The following ACSS2 variants were observed in gnomAD, a reference collection of about 807,000 sequenced individuals.
The protein encoded by ACSS2 is acetyl-coenzyme A synthetase, cytoplasmic.
ACSS2 carries 58 observed loss-of-function variants against 90.6 expected under a neutral mutation model. The observed-to-expected ratio is 0.64, with a 90% CI of 0.52 to 0.80. The LOEUF (loss-of-function observed/expected upper bound fraction) is 0.80. Among genes scored for constraint, ACSS2 ranks in the 30% least tolerant of loss-of-function variants. The probability of loss-of-function intolerance (pLI) is 0.00; values close to 1 mark genes in which losing one functional copy is unlikely to be tolerated. For missense variants in ACSS2, 759 were observed against 912.0 expected (o/e 0.83, Z 2.16); for synonymous variants, 300 against 330.9 (o/e 0.91, Z 1.01).
chr20:34,908,744 C>T (rs973102473), intron 2 of ACSS2: 1 of 320,162 alleles, frequency 3.1e-6, no homozygotes, highest in Admixed American at 4.6e-5. Flanking sequence ...GCCTGTAATC[C>T]CAGCTACTCA....
At chr20:34,925,338 A>G (rs149585338) in intron 14 of ACSS2, among the ~76,000 whole-genome samples, 34 of 152,308 alleles carry the variant, frequency 2.2e-4, no homozygotes, top group African/African-American at 7.5e-4. Context: ...TCACCTCACC[A>G]TAGGACTACT....
chr20:34,902,301 A>G (rs910035782), intron 2 of ACSS2, among the ~76,000 whole-genome samples: 12 of 152,188 alleles, frequency 7.9e-5, no homozygotes, highest in African/African-American at 2.9e-4. Flanking sequence ...AACAAGTAAT[A>G]TTAATTCTAT....
chr20:34,879,962 A>G (rs904624533), intron 1 of ACSS2, among the ~76,000 whole-genome samples: 1 of 152,236 alleles, frequency 6.6e-6, no homozygotes, highest in Non-Finnish European at 1.5e-5. Context: ...TTGTAAGACC[A>G]TAATGTCATA....
Position 34,921,383 on chromosome 20 carries a change from C to G in ACSS2, c.1331C>G (p.Pro444Arg). Residue 444 changes from proline to arginine, a missense_variant, in exon 11 of 18, where the codon CCT becomes CGT. Coordinates refer to ENST00000360596, the MANE Select transcript of ACSS2 (RefSeq NM_018677.4). ...GGCACAGTGGGTGAACCCATCAACC[C>G]TGAGGCCTGGCTATGGTACCACCGG... is the stretch of plus-strand genomic sequence containing the variant. ...VLGTVGEPIN[P>R]EAWLWYHRVV... 6.2e-7 allele frequency: 1 copy of G among 1,614,216 alleles called. No individual in the cohort carries two copies. The highest frequency in any genetic ancestry group is 8.5e-7 in the Non-Finnish European group (1 of 1,180,030).
At chr20:34,900,330 C>T (rs1013035640) in intron 2 of ACSS2, among the ~76,000 whole-genome samples, 14 of 121,144 alleles carry the variant, frequency 1.2e-4, no homozygotes, top group African/African-American at 3.4e-4. Flanking sequence ...CCACCATGCC[C>T]GGCTAAATTT....
At chr20:34,913,263 G>C in intron 3 of ACSS2, 76 bp downstream of exon 3, 1 of 1,565,118 alleles carries the variant, frequency 6.4e-7, no homozygotes, top group Non-Finnish European at 8.8e-7. Context: ...ATGGGGAGAG[G>C]GCAAGGGATG....
chr20:34,888,132 A>G (rs1328253253), intron 2 of ACSS2, among the ~76,000 whole-genome samples: 1 of 151,754 alleles, frequency 6.6e-6, no homozygotes. Context: ...AGCTACTTAC[A>G]CAAATAGTTC....
Position 34,926,951 on chromosome 20 carries a change from G to A in ACSS2, c.1978G>A (p.Gly660Arg). 6.2e-7 allele frequency: 1 copy of A among 1,614,158 alleles called. No homozygotes were observed. The highest frequency in any genetic ancestry group is 2.2e-5 in the East Asian group (1 of 44,886). The change falls in exon 17 of 18, where the codon GGG becomes AGG. Residue 660 changes from glycine to arginine, a missense_variant and splice_region_variant. Transcript: ENST00000360596. ...ACCTGGCTTGCCTAAAACCCGCTCA[G>A]GTATGTTCAGAGGCCTCCATGGATT... is the stretch of plus-strand genomic sequence containing the variant. The part of the protein sequence containing the change: ...NAPGLPKTRS[G>R]KIMRRVLRKI...
chr20:34,883,712 T>C (rs1296805117), intron 2 of ACSS2, among the ~76,000 whole-genome samples: 1 of 152,202 alleles, frequency 6.6e-6, no homozygotes, highest in African/African-American at 2.4e-5. Context: ...GAATAAGTGG[T>C]AGAGCCAGGA....
At chr20:34,881,017 ATTTTTTTTTTTT>A (rs71761863) in intron 1 of ACSS2, among the ~76,000 whole-genome samples, 2 of 75,568 alleles carry the variant, frequency 2.6e-5, no homozygotes, top group Admixed American at 1.4e-4. Flanking sequence ...TTTCCTCCAA[ATTTTTTTTTTTT>A]TTTTTTTTTT....
intron 8 of ACSS2, among the ~76,000 whole-genome samples, chr20:34,919,821 C>G (rs987885768): frequency 1.3e-5 from 2 of 152,036 alleles, no homozygotes; most frequent in African/African-American, 2.4e-5. Flanking sequence ...TGTTCTTTCC[C>G]TATGCACCCA....
At chr20:34,919,642 A>C in intron 8 of ACSS2, 70 bp downstream of exon 8, 1 of 1,507,668 alleles carries the variant, frequency 6.6e-7, no homozygotes, top group Non-Finnish European at 8.9e-7. Context: ...GTAAGAAGTA[A>C]GTTTCTGAGG....
At chr20:34,916,426 A>G (rs1032518870) in intron 7 of ACSS2, among the ~76,000 whole-genome samples, 31 of 152,228 alleles carry the variant, frequency 2.0e-4, no homozygotes, top group African/African-American at 7.2e-4. Context: ...TAACTACTCA[A>G]TAAATGTTAG....
chr20:34,878,862 T>C (rs1408986335), intron 1 of ACSS2, among the ~76,000 whole-genome samples: 1 of 152,124 alleles, frequency 6.6e-6, no homozygotes, highest in African/African-American at 2.4e-5. Flanking sequence ...TGGTTCCCTG[T>C]TTCTGGCAGT....
At chr20:34,918,919 G>T (rs2081132648) in intron 7 of ACSS2, among the ~76,000 whole-genome samples, 1 of 152,168 alleles carries the variant, frequency 6.6e-6, no homozygotes, top group South Asian at 2.1e-4. Context: ...GCTAGGTGTT[G>T]GGAGATATGG....
intron 13 of ACSS2, 95 bp downstream of exon 13, chr20:34,921,961 A>G (rs2081213283): frequency 6.6e-7 from 1 of 1,525,666 alleles, no homozygotes; most frequent in Admixed American, 2.2e-5. Flanking sequence ...CTCTCCTGGT[A>G]GCTGCTTAGG....
At chr20:34,897,837 A>G (rs2080503312) in intron 2 of ACSS2, among the ~76,000 whole-genome samples, 1 of 151,674 alleles carries the variant, frequency 6.6e-6, no homozygotes, top group Non-Finnish European at 1.5e-5. Context: ...AAAAAAAAAA[A>G]AGTTCATCCA....
chr20:34,903,839 C>G (rs963937620), intron 2 of ACSS2, among the ~76,000 whole-genome samples: 6 of 146,446 alleles, frequency 4.1e-5, no homozygotes, highest in African/African-American at 1.0e-4. Context: ...GAGTTTAAGA[C>G]CAGCCTGGGC....
intron 16 of ACSS2, among the ~76,000 whole-genome samples, 179 bp downstream of exon 16, chr20:34,926,460 T>C (rs1328159019): frequency 6.6e-6 from 1 of 152,138 alleles, no homozygotes; most frequent in Admixed American, 6.5e-5. Flanking sequence ...ACTAGGATAA[T>C]AATAATAGCC....
Sources: gnomAD v4.1 joint callset for allele counts (sites outside exome capture counted in the v4.1 genomes callset) on GRCh38, gnomAD v4.1.1 for gene constraint, MANE v1.5 for transcripts, NCBI Gene and HGNC (gene_info 2026-07-23, HGNC 2026-07-21) for gene names.